The following TMEFF2 variants were observed in gnomAD, a reference collection of about 807,000 sequenced individuals.
The protein encoded by TMEFF2 is transmembrane protein with EGF like and two follistatin like domains 2, also known as tomoregulin-2.
Under a neutral mutation model 53.8 loss-of-function variants are expected in TMEFF2, and 28 were observed. The ratio of observed to expected loss-of-function variants is 0.52; its 90% CI spans 0.39 to 0.71. The LOEUF is 0.71. TMEFF2 is among the 30% of genes least tolerant of loss of function. The pLI, the probability that TMEFF2 is intolerant of heterozygous loss-of-function variation, is 0.00. For synonymous variants in TMEFF2, 162 were observed against 166.3 expected, an observed-to-expected ratio of 0.97 and a Z score of 0.20; for missense variants, 353 against 455.2, an observed-to-expected ratio of 0.78 and a Z score of 2.04.
intron 4 of TMEFF2, among the ~76,000 whole-genome samples, chr2:192,151,062 G>A (rs993979873): frequency 1.5e-4 from 23 of 151,746 alleles, no homozygotes; most frequent in Admixed American, 6.6e-5. Context: ...AAAATAGTGA[G>A]TGAGTTCTCA....
intron 7 of TMEFF2, among the ~76,000 whole-genome samples, chr2:191,993,240 G>A (rs1024522553): frequency 1.3e-5 from 2 of 151,948 alleles, no homozygotes; most frequent in Non-Finnish European, 2.9e-5. Flanking sequence ...GTGGAAAAAC[G>A]GGATGTTACT....
intron 5 of TMEFF2, among the ~76,000 whole-genome samples, chr2:192,023,135 T>A (rs1451474945): frequency 6.6e-6 from 1 of 152,212 alleles, no homozygotes; most frequent in Non-Finnish European, 1.5e-5. Flanking sequence ...CCATATTCCC[T>A]TATTTGTCTA....
At chr2:192,014,825 T>C (rs866444087) in intron 5 of TMEFF2, among the ~76,000 whole-genome samples, 1 of 152,136 alleles carries the variant, frequency 6.6e-6, no homozygotes, top group Admixed American at 6.5e-5. Context: ...AGAGGAAAAA[T>C]GAGTATCAAT....
intron 4 of TMEFF2, among the ~76,000 whole-genome samples, chr2:192,150,002 C>G (rs1341473955): frequency 2.0e-5 from 3 of 152,046 alleles, no homozygotes; most frequent in East Asian, 3.9e-4. Context: ...CTTTGTAAGG[C>G]TCTGGAAACC....
At chr2:191,980,024 G>C (rs1238805542) in intron 7 of TMEFF2, among the ~76,000 whole-genome samples, 1 of 152,138 alleles carries the variant, frequency 6.6e-6, no homozygotes, top group Non-Finnish European at 1.5e-5. Flanking sequence ...TAGAGAGGTA[G>C]CTCTCAGTCT....
chr2:192,013,293 A>G (rs1271413727), intron 5 of TMEFF2, among the ~76,000 whole-genome samples: 1 of 152,060 alleles, frequency 6.6e-6, no homozygotes, highest in Non-Finnish European at 1.5e-5. Flanking sequence ...AACATGCCAC[A>G]TGCTTCTGCC....
At chr2:192,145,002 G>C (rs1006563659) in intron 4 of TMEFF2, among the ~76,000 whole-genome samples, 2 of 151,792 alleles carry the variant, frequency 1.3e-5, no homozygotes, top group Non-Finnish European at 2.9e-5. Flanking sequence ...GAAACAAATA[G>C]GTATTTTATT....
intron 4 of TMEFF2, among the ~76,000 whole-genome samples, chr2:192,144,475 G>A (rs562493808): frequency 1.3e-5 from 2 of 152,014 alleles, no homozygotes; most frequent in South Asian, 2.1e-4. Flanking sequence ...GCAGAGATAG[G>A]AGCCATCTTT....
At chr2:192,093,519 T>C (rs2105936717) in intron 4 of TMEFF2, among the ~76,000 whole-genome samples, 1 of 152,278 alleles carries the variant, frequency 6.6e-6, no homozygotes, top group East Asian at 1.9e-4. Flanking sequence ...ATTAGCCATG[T>C]AGAAAATAGT....
chr2:192,095,826 A>T (rs1688890055), intron 4 of TMEFF2, among the ~76,000 whole-genome samples: 2 of 152,206 alleles, frequency 1.3e-5, no homozygotes, highest in African/African-American at 4.8e-5. Context: ...TAACTGACAA[A>T]ATATTTAGCA....
In TMEFF2 at chr2:191,987,806, T is replaced by G. The variant is rs566925121; in HGVS notation, c.745+10456A>C. On this transcript the variant is annotated intron_variant, in intron 7 of 9. Coordinates refer to ENST00000272771, the MANE Select transcript of TMEFF2 (RefSeq NM_016192.4). ...AATCCAAGTGAAATTAAAAATATGA[T>G]TATCCATGTCATTGGAGAATAGCCT... Among the ~76,000 whole-genome samples, 4 of 152,308 alleles carry G rather than the reference T, an allele frequency of 2.6e-5. No individual in the cohort carries two copies. In the South Asian group the frequency reaches 8.3e-4, roughly 32 times the overall value.
At chr2:191,952,590 C>T (rs1288742533) in intron 9 of TMEFF2, among the ~76,000 whole-genome samples, 1 of 152,114 alleles carries the variant, frequency 6.6e-6, no homozygotes, top group Non-Finnish European at 1.5e-5. Context: ...ATGAACTCAA[C>T]TCGGCTTAGA....
At chr2:192,090,376 T>C (rs1273540616) in intron 4 of TMEFF2, among the ~76,000 whole-genome samples, 1 of 152,176 alleles carries the variant, frequency 6.6e-6, no homozygotes, top group Non-Finnish European at 1.5e-5. Flanking sequence ...GTGGAAAAAA[T>C]GTACTAGTCC....
At chr2:192,161,720 G>T (rs1342496021) in intron 4 of TMEFF2, among the ~76,000 whole-genome samples, 4 of 152,138 alleles carry the variant, frequency 2.6e-5, no homozygotes, top group Non-Finnish European at 5.9e-5. Context: ...ATAATGTGTT[G>T]CCTAGATCAT....
chr2:192,169,147 A>G (rs1690845253), intron 4 of TMEFF2, among the ~76,000 whole-genome samples: 1 of 152,166 alleles, frequency 6.6e-6, no homozygotes, highest in African/African-American at 2.4e-5. Context: ...TGAGGCACAT[A>G]TAATACACAG....
intron 4 of TMEFF2, among the ~76,000 whole-genome samples, chr2:192,139,276 G>A (rs1354081477): frequency 6.6e-6 from 1 of 152,184 alleles, no homozygotes; most frequent in Non-Finnish European, 1.5e-5. Context: ...GACTTTAAAA[G>A]TGATGAATAT....
intron 4 of TMEFF2, among the ~76,000 whole-genome samples, chr2:192,076,607 T>C (rs1392154237): frequency 6.6e-6 from 1 of 152,202 alleles, no homozygotes; most frequent in Admixed American, 6.5e-5. Context: ...GACCATGCAC[T>C]GCACTCTTCC....
chr2:192,036,453 A>G (rs2105879235), intron 5 of TMEFF2: 1 of 152,356 alleles, frequency 6.6e-6, no homozygotes, highest in South Asian at 2.1e-4. Context: ...ATATGGAAAG[A>G]GAAGGGGATG....
At chr2:192,079,245 G>A (rs1303753736) in intron 4 of TMEFF2, among the ~76,000 whole-genome samples, 1 of 152,166 alleles carries the variant, frequency 6.6e-6, no homozygotes, top group Non-Finnish European at 1.5e-5. Flanking sequence ...TGTACACTGG[G>A]CTGACCTAAT....
Sources: allele counts gnomAD v4.1 joint callset (sites outside exome capture counted in the v4.1 genomes callset), GRCh38; gene constraint gnomAD v4.1.1; transcripts MANE v1.5; gene names NCBI Gene and HGNC (gene_info 2026-07-23, HGNC 2026-07-21).